Variants in GABRG2 observed in about 807,000 individuals in gnomAD.
GABRG2 encodes the protein gamma-aminobutyric acid type A receptor subunit gamma2.
A neutral mutation model predicts 56.4 loss-of-function variants in GABRG2; 16 were observed. The observed-to-expected ratio is 0.28, with a 90% CI of 0.19 to 0.43. The LOEUF (loss-of-function observed/expected upper bound fraction) is 0.43, where lower values mean the gene tolerates loss of function less well. Among genes scored for constraint, GABRG2 ranks in the 20% least tolerant of loss-of-function variants. The pLI, the probability that GABRG2 is intolerant of heterozygous loss-of-function variation, is 1.00. For missense variants in GABRG2, 327 were observed against 582.7 expected, an observed-to-expected ratio of 0.56 and a Z score of 4.52; for synonymous variants, 208 against 205.5, an observed-to-expected ratio of 1.01 and a Z score of -0.10.
chr5:162,104,069 T>C (rs371798676), intron 6 of GABRG2, 43 bp downstream of exon 6: 261 of 1,608,110 alleles, frequency 1.6e-4, no homozygotes, highest in Non-Finnish European at 2.2e-4. Context: ...CCTTCCAGAG[T>C]TGAAATTTTG....
intron 6 of GABRG2, among the ~76,000 whole-genome samples, chr5:162,136,431 T>G (rs1291291342): frequency 2.0e-5 from 3 of 152,100 alleles, no homozygotes; most frequent in Non-Finnish European, 2.9e-5. Flanking sequence ...GCTACCATTT[T>G]AGATAGGACA....
intron 1 of GABRG2, among the ~76,000 whole-genome samples, chr5:162,087,731 T>G (rs1173386399): frequency 6.6e-6 from 1 of 152,136 alleles, no homozygotes; most frequent in Non-Finnish European, 1.5e-5. Flanking sequence ...TCTGTCAGTG[T>G]CTCCCAATTT....
At chr5:162,138,141 G>T (rs1764279042) in intron 6 of GABRG2, among the ~76,000 whole-genome samples, 2 of 151,858 alleles carry the variant, frequency 1.3e-5, no homozygotes, top group Non-Finnish European at 2.9e-5. Context: ...TAAATTTTAT[G>T]TTATACTTGA....
At chr5:162,123,168 T>C (rs890432618) in intron 6 of GABRG2, among the ~76,000 whole-genome samples, 22 of 151,686 alleles carry the variant, frequency 1.5e-4, no homozygotes, top group African/African-American at 5.1e-4. Flanking sequence ...TAATCATATC[T>C]GAGAAAAAAG....
Position 162,067,919 on chromosome 5 carries a change from T to A in GABRG2, c.-81T>A. The A allele has an allele frequency of 1.0e-6, 1 of 979,394 alleles. No homozygotes were observed. The highest frequency in any genetic ancestry group is 1.3e-5 in the South Asian group (1 of 77,366). The allele number at this position is 979,394 out of a possible 1,614,324, so 60.7% of individuals were successfully genotyped here. On this transcript the variant is annotated 5_prime_UTR_variant, in exon 1 of 10. Coordinates refer to ENST00000639213, the MANE Select transcript of GABRG2 (RefSeq NM_198904.4). ...GGTGGGGGGAGCCACCATCAGATCA[T>A]AAGCATAAGAATAATACAAAGGGGA...
Position 162,131,500 on chromosome 5 carries a change from T to C in GABRG2, c.770-10664T>C, listed in dbSNP as rs912214067. On this transcript the variant is annotated intron_variant, in intron 6 of 9. Transcript: ENST00000639213. Reference sequence around the variant, plus strand: ...TACTCTTCTTCTTTCTCCTCCACTGTATTCTCTTCTTTCTTTTTTGTAATA... The same window carrying C: ...TACTCTTCTTCTTTCTCCTCCACTGCATTCTCTTCTTTCTTTTTTGTAATA... Among the ~76,000 whole-genome samples, 3 of 152,018 alleles carry C rather than the reference T, an allele frequency of 2.0e-5. No individual in the cohort carries two copies. In the East Asian group the frequency reaches 5.8e-4, roughly 29 times the overall value.
intron 6 of GABRG2, among the ~76,000 whole-genome samples, chr5:162,109,886 A>G (rs556754804): frequency 6.6e-6 from 1 of 152,166 alleles, no homozygotes; most frequent in South Asian, 2.1e-4. Flanking sequence ...GGAAACTTAC[A>G]TTGGTGGGAT....
At chr5:162,144,310 G>C (rs1764795135) in intron 7 of GABRG2, among the ~76,000 whole-genome samples, 2 of 152,172 alleles carry the variant, frequency 1.3e-5, no homozygotes, top group Non-Finnish European at 2.9e-5. Flanking sequence ...TTTTAAGGAA[G>C]AGATTTCCAA....
chr5:162,150,991 C>T (rs1256010695), intron 8 of GABRG2: 2 of 152,192 alleles, frequency 1.3e-5, no homozygotes, highest in Non-Finnish European at 2.9e-5. Flanking sequence ...CACTCTCCCT[C>T]AAGAAGGTGG....
chr5:162,105,134 G>T (rs536468744), intron 6 of GABRG2, among the ~76,000 whole-genome samples: 1 of 152,030 alleles, frequency 6.6e-6, no homozygotes, highest in Admixed American at 6.6e-5. Flanking sequence ...TATTTTTTGC[G>T]TATGGAATAA....
intron 5 of GABRG2, chr5:162,101,614 C>T (rs74420692): frequency 0.012 from 4,684 of 391,426 alleles, 55 homozygotes; most frequent in Non-Finnish European, 0.017. Flanking sequence ...TAAAGCCAAC[C>T]CTGGACTCAA....
intron 1 of GABRG2, among the ~76,000 whole-genome samples, chr5:162,068,517 GAT>G (rs1758405172): frequency 6.8e-6 from 1 of 146,704 alleles, no homozygotes; most frequent in Non-Finnish European, 1.5e-5. Flanking sequence ...ACACCGGAGA[GAT>G]ATGTGTGAGG....
In GABRG2 at chr5:162,068,086, CCTG is replaced by C. The variant is rs770106632; in HGVS notation, c.91_93del (p.Leu31del). 6.2e-7 allele frequency: 1 copy of C among 1,612,600 alleles called. No homozygotes were observed. The highest frequency in any genetic ancestry group is 1.7e-5 in the Admixed American group (1 of 59,954). ...AGAAAATGACGGTGTGGATTCTGCT[CCTG>C]CTGTCGCTCTACCCTGGGTAAGATG... On this transcript the variant is annotated inframe_deletion, in exon 1 of 10. Transcript: ENST00000639213.
chr5:162,099,859 G>GT (rs1344285290), intron 4 of GABRG2: 1 of 152,036 alleles, frequency 6.6e-6, no homozygotes, highest in Admixed American at 6.6e-5. Flanking sequence ...GTGTTTGTGT[G>GT]TTTTTGTGCA....
At chr5:162,067,501 G>A (rs966989436), upstream of GABRG2, 3 of 424,574 alleles carry the variant, frequency 7.1e-6, no homozygotes, top group African/African-American at 2.0e-5. Context: ...CTGCGTGATA[G>A]TTAATCACGC....
intron 1 of GABRG2, among the ~76,000 whole-genome samples, chr5:162,079,639 G>A (rs1759486926): frequency 6.6e-6 from 1 of 151,610 alleles, no homozygotes; most frequent in Non-Finnish European, 1.5e-5. Flanking sequence ...TATATAATAT[G>A]ATAATATATA....
At chr5:162,094,200 T>C (rs1020865802) in intron 2 of GABRG2, 53 of 541,706 alleles carry the variant, frequency 9.8e-5, no homozygotes, top group Middle Eastern at 5.1e-4. Flanking sequence ...GCTTGAGAGC[T>C]AGAGTTAGAA....
intron 1 of GABRG2, among the ~76,000 whole-genome samples, chr5:162,080,949 T>A (rs749737037): frequency 7.9e-5 from 12 of 152,180 alleles, no homozygotes; most frequent in Non-Finnish European, 1.3e-4. Context: ...AGCTAAATAC[T>A]TTGCATCTAA....
chr5:162,101,487 A>G (rs1761413102), intron 5 of GABRG2, 170 bp downstream of exon 5: 3 of 651,566 alleles, frequency 4.6e-6, no homozygotes, highest in Non-Finnish European at 8.3e-6. Context: ...TGCTCCGATT[A>G]GGGTGATTCC....
Sources: allele counts gnomAD v4.1 joint callset (sites outside exome capture counted in the v4.1 genomes callset), GRCh38; gene constraint gnomAD v4.1.1; transcripts MANE v1.5; gene names NCBI Gene and HGNC (gene_info 2026-07-23, HGNC 2026-07-21).